The following CNTN5 variants were observed in gnomAD, a reference collection of about 807,000 sequenced individuals.
The protein encoded by CNTN5 is contactin-5.
Under a neutral mutation model 129.1 loss-of-function variants are expected in CNTN5, and 77 were observed. That is an observed-to-expected ratio of 0.60 (90% confidence interval 0.50 to 0.72). The LOEUF (loss-of-function observed/expected upper bound fraction) is 0.72. Among genes scored for constraint, CNTN5 ranks in the 30% least tolerant of loss-of-function variants. CNTN5 has a pLI of 0.00. For synonymous variants in CNTN5, 509 were observed against 465.6 expected (o/e 1.09, Z -1.20); for missense variants, 1,478 against 1,328.8 (o/e 1.11, Z -1.75).
chr11:99,437,801 C>A (rs189098191), intron 2 of CNTN5, among the ~76,000 whole-genome samples: 99 of 151,894 alleles, frequency 6.5e-4, no homozygotes, highest in African/African-American at 2.3e-3. Flanking sequence ...CCAGCCTGGG[C>A]AAAAAAGCGA....
At chr11:99,793,033 A>G (rs909439277) in intron 3 of CNTN5, among the ~76,000 whole-genome samples, 2 of 150,866 alleles carry the variant, frequency 1.3e-5, no homozygotes, top group African/African-American at 4.9e-5. Flanking sequence ...TTTTGCCTGT[A>G]TTAGTCTACT....
rs1185156806 is a variant in CNTN5 at position 99,879,334 on chromosome 11, TA to T, written c.577+34075del. Reference sequence around the variant, plus strand: ...TAAAAAGTAGAAAGGGAAAAATAAATAAACAAAACTGCATGAAAGCTTCTCT... The same window carrying T: ...TAAAAAGTAGAAAGGGAAAAATAAATAACAAAACTGCATGAAAGCTTCTCT... On this transcript the variant is annotated intron_variant, in intron 6 of 24. Transcript: ENST00000524871. Among the ~76,000 whole-genome samples, 6 of 152,170 alleles carry T rather than the reference TA, an allele frequency of 3.9e-5. No homozygotes were observed. In the South Asian group the frequency reaches 1.2e-3, roughly 32 times the overall value.
intron 19 of CNTN5, among the ~76,000 whole-genome samples, chr11:100,298,717 C>T (rs375719519): frequency 1.3e-5 from 2 of 151,376 alleles, no homozygotes; most frequent in East Asian, 3.9e-4. Flanking sequence ...ACCATAAAAG[C>T]AATTGCAAAG....
intron 2 of CNTN5, among the ~76,000 whole-genome samples, chr11:99,492,735 C>G (rs1260456202): frequency 1.3e-5 from 2 of 151,958 alleles, no homozygotes; most frequent in Non-Finnish European, 2.9e-5. Flanking sequence ...ACAGGTTATT[C>G]AAAATGAAGA....
intron 2 of CNTN5, among the ~76,000 whole-genome samples, chr11:99,513,298 G>T (rs1448063530): frequency 6.6e-6 from 1 of 152,156 alleles, no homozygotes; most frequent in Non-Finnish European, 1.5e-5. Flanking sequence ...TTGAAGGAAA[G>T]AAGCTTTTTC....
rs549733927 is a variant in CNTN5, at chr11:99,937,608, T to C, written c.674-19198T>C. 2.0e-5 allele frequency among the ~76,000 whole-genome samples: 3 copies of C among 152,254 alleles called. No individual in the cohort carries two copies. In the East Asian group the frequency reaches 5.8e-4, roughly 29 times the overall value. Reference sequence around the variant, plus strand: ...GTGCCATTTTAGTGGCTCCATGTTGTACATAAGAGAAAGACGGAAGGAGAA... The same window carrying C: ...GTGCCATTTTAGTGGCTCCATGTTGCACATAAGAGAAAGACGGAAGGAGAA... On this transcript the variant is annotated intron_variant, in intron 7 of 24. Coordinates refer to ENST00000524871, the MANE Select transcript of CNTN5 (RefSeq NM_014361.4).
At chr11:99,740,044 A>G (rs981504421) in intron 3 of CNTN5, among the ~76,000 whole-genome samples, 1 of 142,420 alleles carries the variant, frequency 7.0e-6, no homozygotes, top group Admixed American at 7.7e-5. Context: ...ACATTATCAA[A>G]TACTATAATA....
intron 13 of CNTN5, among the ~76,000 whole-genome samples, chr11:100,146,368 A>G (rs1004567839): frequency 6.6e-6 from 1 of 152,106 alleles, no homozygotes; most frequent in African/African-American, 2.4e-5. Context: ...ATGAATTGCC[A>G]TTACTTTTAT....
intron 15 of CNTN5, among the ~76,000 whole-genome samples, chr11:100,194,209 C>T (rs1386650347): frequency 6.6e-6 from 1 of 151,782 alleles, no homozygotes; most frequent in Non-Finnish European, 1.5e-5. Flanking sequence ...TGGCAATCAA[C>T]CAAATGGAGT....
intron 2 of CNTN5, among the ~76,000 whole-genome samples, chr11:99,422,606 C>T (rs1446698847): frequency 7.6e-5 from 11 of 143,918 alleles, no homozygotes; most frequent in Admixed American, 2.8e-4. Context: ...ATGTGCACAA[C>T]GTGCAGGTTT....
At chr11:99,688,210 T>G (rs1468705631) in intron 3 of CNTN5, among the ~76,000 whole-genome samples, 4 of 152,132 alleles carry the variant, frequency 2.6e-5, no homozygotes, top group African/African-American at 9.7e-5. Flanking sequence ...ATAAATGTAT[T>G]TAGTTTTAAT....
At chr11:99,421,426 A>T (rs1451853572) in intron 2 of CNTN5, among the ~76,000 whole-genome samples, 1 of 152,186 alleles carries the variant, frequency 6.6e-6, no homozygotes, top group East Asian at 1.9e-4. Flanking sequence ...GAAGGAAGCT[A>T]TAGGAATAAG....
At chr11:99,230,684 A>G (rs896779719) in intron 1 of CNTN5, among the ~76,000 whole-genome samples, 1 of 152,152 alleles carries the variant, frequency 6.6e-6, no homozygotes, top group Non-Finnish European at 1.5e-5. Flanking sequence ...GTTCCGGGGT[A>G]CAAGTGCAGG....
At chr11:100,297,724 A>C in intron 19 of CNTN5, 29 bp downstream of exon 19, 1 of 1,497,272 alleles carries the variant, frequency 6.7e-7, no homozygotes, top group Non-Finnish European at 9.2e-7. Context: ...CTCACAAATT[A>C]CTCCACGTGT....
chr11:99,445,629 C>G (rs1944031548), intron 2 of CNTN5, among the ~76,000 whole-genome samples: 1 of 152,144 alleles, frequency 6.6e-6, no homozygotes. Context: ...ATTCTATCCT[C>G]AAAGAGTCAG....
At chr11:99,142,858 G>A (rs1859589705) in intron 1 of CNTN5, among the ~76,000 whole-genome samples, 1 of 152,060 alleles carries the variant, frequency 6.6e-6, no homozygotes, top group South Asian at 2.1e-4. Flanking sequence ...CGATTTCTGA[G>A]GCACCTAATG....
chr11:100,119,270 C>G (rs1945939510), intron 13 of CNTN5, among the ~76,000 whole-genome samples: 1 of 151,884 alleles, frequency 6.6e-6, no homozygotes, highest in South Asian at 2.1e-4. Context: ...TACAGCCAAA[C>G]AAAATAGATC....
chr11:99,326,903 A>C (rs1012986640), intron 2 of CNTN5, among the ~76,000 whole-genome samples: 2 of 152,198 alleles, frequency 1.3e-5, no homozygotes, highest in Admixed American at 6.6e-5. Flanking sequence ...ATTTGTTACA[A>C]TAAGAATGAT....
intron 3 of CNTN5, among the ~76,000 whole-genome samples, chr11:99,637,828 C>T (rs1041363390): frequency 4.0e-5 from 6 of 151,854 alleles, no homozygotes; most frequent in African/African-American, 1.5e-4. Context: ...TCAAAAGACT[C>T]CATTTTATAT....
Sources: allele counts gnomAD v4.1 joint callset (sites outside exome capture counted in the v4.1 genomes callset), GRCh38; gene constraint gnomAD v4.1.1; transcripts MANE v1.5; gene names NCBI Gene and HGNC (gene_info 2026-07-23, HGNC 2026-07-21).